The following TRAPPC3L variants were observed in gnomAD, a reference collection of about 807,000 sequenced individuals.
The protein encoded by TRAPPC3L is trafficking protein particle complex subunit 3-like protein.
A neutral mutation model predicts 23.7 loss-of-function variants in TRAPPC3L; 23 were observed. The observed-to-expected ratio is 0.97, with a 90% CI of 0.70 to 1.37. The LOEUF is 1.37. Ranked by LOEUF, TRAPPC3L falls within the 40% of genes most tolerant of loss-of-function variation. TRAPPC3L has a pLI of 0.00. For synonymous variants in TRAPPC3L, 81 were observed against 77.9 expected, an observed-to-expected ratio of 1.04 and a Z score of -0.21; for missense variants, 212 against 216.8, an observed-to-expected ratio of 0.98 and a Z score of 0.14.
chr6:116,504,627 C>T (rs1458453911), intron 3 of TRAPPC3L, among the ~76,000 whole-genome samples: 9 of 152,134 alleles, frequency 5.9e-5, no homozygotes, highest in Admixed American at 2.6e-4. Context: ...ATGCAAAAAT[C>T]CTCAGTAAGA....
chr6:116,511,938 G>C lies in TRAPPC3L; in HGVS notation c.241-11272C>G. On this transcript the variant is annotated intron_variant, in intron 3 of 4. Coordinates refer to ENST00000368602, the MANE Select transcript of TRAPPC3L (RefSeq NM_001139444.3). ...TCGTGGAGACTCTTCACAGGCTGCT[G>C]TGTGAATCCCAGGAAAATCTTTCCC... is the stretch of plus-strand genomic sequence containing the variant. 3 of 1,613,992 alleles carry C rather than the reference G, an allele frequency of 1.9e-6. No individual in the cohort carries two copies. In the East Asian group the frequency reaches 6.7e-5, roughly 36 times the overall value.
rs371713491 is a variant in TRAPPC3L at position 116,526,602 on chromosome 6, G to A, written c.240+13761C>T. 5.3e-4 allele frequency among the ~76,000 whole-genome samples: 81 copies of A among 152,216 alleles called. 1 individual carries two copies. In the East Asian group the frequency reaches 7.1e-3, roughly 13 times the overall value. ...GAGCTAGAATTGATAACCCTTGCCC[G>A]GGAGTACCACTGAGAGGTCACGGCA... On this transcript the variant is annotated intron_variant, in intron 3 of 4. Coordinates refer to ENST00000368602, the MANE Select transcript of TRAPPC3L (RefSeq NM_001139444.3).
intron 3 of TRAPPC3L, chr6:116,512,481 A>C: frequency 2.1e-6 from 1 of 477,846 alleles, no homozygotes; most frequent in Admixed American, 3.5e-5. Flanking sequence ...GATTGTCCAC[A>C]TATAAATACT....
At chr6:116,527,371 G>T (rs959937914) in intron 3 of TRAPPC3L, among the ~76,000 whole-genome samples, 1 of 152,004 alleles carries the variant, frequency 6.6e-6, no homozygotes, top group Non-Finnish European at 1.5e-5. Context: ...CAAAAAATTA[G>T]CCAGGCTTGG....
At chr6:116,503,778 T>C (rs1468798940) in intron 3 of TRAPPC3L, among the ~76,000 whole-genome samples, 2 of 151,966 alleles carry the variant, frequency 1.3e-5, no homozygotes, top group Non-Finnish European at 2.9e-5. Flanking sequence ...GACTACTGTG[T>C]AAATAACGAA....
At chr6:116,507,041 A>G (rs991943887) in intron 3 of TRAPPC3L, among the ~76,000 whole-genome samples, 1 of 152,136 alleles carries the variant, frequency 6.6e-6, no homozygotes, top group Admixed American at 6.6e-5. Flanking sequence ...AAAAATAAAT[A>G]CTATTTTTAA....
intron 3 of TRAPPC3L, chr6:116,515,648 A>G: frequency 5.0e-6 from 8 of 1,613,954 alleles, no homozygotes; most frequent in Non-Finnish European, 6.8e-6. Flanking sequence ...CTCTCTGCTC[A>G]CCACATGTTA....
chr6:116,527,398 CCAGCTACTCGG>C (rs908966820), intron 3 of TRAPPC3L, among the ~76,000 whole-genome samples: 3 of 151,912 alleles, frequency 2.0e-5, no homozygotes, highest in African/African-American at 7.3e-5. Flanking sequence ...GCGCCTGGTC[CCAGCTACTCGG>C]GAGGCTGAGG....
chr6:116,510,429 A>C (rs1361982121), intron 3 of TRAPPC3L, among the ~76,000 whole-genome samples: 2 of 149,154 alleles, frequency 1.3e-5, no homozygotes, highest in Non-Finnish European at 3.0e-5. Flanking sequence ...CTACAGGTGC[A>C]TGCCACCGAG....
intron 3 of TRAPPC3L, among the ~76,000 whole-genome samples, chr6:116,508,329 T>C (rs1772042522): frequency 2.0e-5 from 3 of 152,102 alleles, no homozygotes; most frequent in Admixed American, 6.6e-5. Context: ...TGGAGGTAAG[T>C]GACAAAGACA....
chr6:116,523,424 C>T (rs560682463), intron 3 of TRAPPC3L: 1 of 152,074 alleles, frequency 6.6e-6, no homozygotes, highest in Non-Finnish European at 1.5e-5. Flanking sequence ...TGTCTGAGTA[C>T]GTGAAAAGCT....
At chr6:116,542,357 A>G (rs1773516435) in intron 2 of TRAPPC3L, among the ~76,000 whole-genome samples, 1 of 152,172 alleles carries the variant, frequency 6.6e-6, no homozygotes, top group South Asian at 2.1e-4. Context: ...AAAAATATGC[A>G]TACAGAAAGA....
intron 3 of TRAPPC3L, among the ~76,000 whole-genome samples, chr6:116,503,422 A>G (rs1186020753): frequency 1.3e-5 from 2 of 152,192 alleles, no homozygotes; most frequent in Non-Finnish European, 2.9e-5. Context: ...ACACAATAAT[A>G]ATGGAAGACT....
At chr6:116,537,303 AT>A (rs375123116) in intron 3 of TRAPPC3L, among the ~76,000 whole-genome samples, 5 of 152,302 alleles carry the variant, frequency 3.3e-5, no homozygotes, top group African/African-American at 1.2e-4. Flanking sequence ...GAGAAGGGAT[AT>A]TTGGAAAGCA....
intron 3 of TRAPPC3L, among the ~76,000 whole-genome samples, chr6:116,514,178 C>A (rs1562339842): frequency 6.6e-6 from 1 of 151,990 alleles, no homozygotes; most frequent in African/African-American, 2.4e-5. Flanking sequence ...GGGAAAGCAT[C>A]GGTCAATGCA....
chr6:116,535,351 T>C (rs1370915207), intron 3 of TRAPPC3L, among the ~76,000 whole-genome samples: 1 of 152,218 alleles, frequency 6.6e-6, no homozygotes, highest in Non-Finnish European at 1.5e-5. Context: ...ACATTGGACA[T>C]GGTTAGGCCA....
At chr6:116,530,788 A>C (rs1380473469) in intron 3 of TRAPPC3L, among the ~76,000 whole-genome samples, 1 of 151,558 alleles carries the variant, frequency 6.6e-6, no homozygotes, top group Non-Finnish European at 1.5e-5. Context: ...TACTAAATGG[A>C]GTCTGCAACA....
intron 3 of TRAPPC3L, among the ~76,000 whole-genome samples, chr6:116,534,498 T>G (rs1199131770): frequency 6.6e-6 from 1 of 152,242 alleles, no homozygotes; most frequent in Admixed American, 6.5e-5. Flanking sequence ...GAAATTTTTC[T>G]GTGTACACTC....
intron 1 of TRAPPC3L, among the ~76,000 whole-genome samples, chr6:116,544,249 A>G (rs1773639528): frequency 6.6e-6 from 1 of 152,056 alleles, no homozygotes; most frequent in African/African-American, 2.4e-5. Flanking sequence ...AGAAAAAATC[A>G]TACCCTACCT....
Sources: allele counts gnomAD v4.1 joint callset (sites outside exome capture counted in the v4.1 genomes callset), GRCh38; gene constraint gnomAD v4.1.1; transcripts MANE v1.5; gene names NCBI Gene and HGNC (gene_info 2026-07-23, HGNC 2026-07-21).